ZNF500: variants seen among roughly 807,000 people sequenced by gnomAD.
ZNF500 encodes zinc finger protein 500, also known as zinc finger protein with KRAB and SCAN domains 18.
ZNF500 carries 31 observed loss-of-function variants against 30.1 expected under a neutral mutation model. The ratio of observed to expected loss-of-function variants is 1.03; its 90% CI spans 0.77 to 1.39. The LOEUF is 1.39. ZNF500 is among the 40% of genes most tolerant of loss of function. ZNF500 has a pLI of 0.00. For synonymous variants in ZNF500, 392 were observed against 282.0 expected (o/e 1.39, Z -3.91); for missense variants, 817 against 657.8 (o/e 1.24, Z -2.65).
At chr16:4,762,400 C>G (rs998564734) in intron 3 of ZNF500, 65 bp from the exon 4 acceptor site, 5 of 1,542,610 alleles carry the variant, frequency 3.2e-6, no homozygotes, top group African/African-American at 1.4e-5. Context: ...CCGTCCCCTG[C>G]ACACCAAGGC....
At chr16:4,764,781 CA>C (rs1467752688) in intron 2 of ZNF500, among the ~76,000 whole-genome samples, 2 of 85,398 alleles carry the variant, frequency 2.3e-5, no homozygotes, top group Admixed American at 1.3e-4. Context: ...GACTCCATCT[CA>C]AAAAAAAAGA....
chr16:4,745,460 G>GAGAA (rs1475163173), downstream of ZNF500, among the ~76,000 whole-genome samples: 1 of 152,206 alleles, frequency 6.6e-6, no homozygotes, highest in African/African-American at 2.4e-5. Flanking sequence ...CTGCCACAGG[G>GAGAA]AGAAAGGCAA....
chr16:4,753,266 G>A lies in ZNF500; in HGVS notation c.761-208C>T. 18 of 985,890 alleles carry A rather than the reference G, an allele frequency of 1.8e-5. No homozygotes were observed. In the South Asian group the frequency reaches 4.5e-4, roughly 24 times the overall value. 61.1% of individuals were successfully genotyped at this position (985,890 alleles called of 1,614,324 possible). A position where few individuals can be genotyped will look rare whatever the true frequency, so the allele number is the denominator to read the frequency against. ...GCTTGAGCCCAGGAGTTCAAGACCA[G>A]CTTGGGCAACGCAGTGAGATCTCGT... On this transcript the variant is annotated intron_variant, in intron 5 of 5. Transcript: ENST00000219478.
In ZNF500 at chr16:4,752,902, T is replaced by A. The variant is rs2082099793; in HGVS notation, c.917A>T (p.Gln306Leu). 1 of 1,613,880 alleles carries A rather than the reference T, an allele frequency of 6.2e-7. No homozygotes were observed. The highest frequency in any genetic ancestry group is 1.3e-5 in the African/African-American group (1 of 74,958). The change falls in exon 6 of 6, where the codon CAG becomes CTG. Residue 306 changes from glutamine (Q) to leucine (L), a missense_variant. Transcript: ENST00000219478. ...APVRGLVRPDQPRGGPPPGRR... is the reference protein window; with the variant it reads ...APVRGLVRPDLPRGGPPPGRR... ...TCCTGGTGGGGGGCCGCCTCTTGGC[T>A]GATCAGGCCTGACCAAGCCCCTGAC...
downstream of ZNF500, chr16:4,747,402 C>G: frequency 3.7e-6 from 6 of 1,612,482 alleles, no homozygotes; most frequent in Non-Finnish European, 4.2e-6. Context: ...AAGGGGACAG[C>G]CCAGCCCGAG....
chr16:4,762,687 C>G lies in ZNF500; in HGVS notation c.484G>C (p.Glu162Gln). ...IGGQFLKHQA[E>Q]AQPEDLSLEE... ...AGGGACAGATCCTCTGGCTGAGCCT[C>G]TGCCTGGTGTTTTAAGAACTGTCCC... The change falls in exon 3 of 6, where the codon GAG (glutamate) becomes CAG (glutamine). Residue 162 changes from glutamate to glutamine, a missense_variant. Physicochemically the swap from Glu to Gln is conservative, Grantham distance 29. Coordinates refer to ENST00000219478, the MANE Select transcript of ZNF500 (RefSeq NM_021646.4). The G allele has an allele frequency of 6.2e-7, 1 of 1,614,104 alleles. No homozygotes were observed. The highest frequency in any genetic ancestry group is 8.5e-7 in the Non-Finnish European group (1 of 1,179,968).
chr16:4,752,804 G>T lies in ZNF500; in HGVS notation c.1015C>A (p.His339Asn). 6.2e-7 allele frequency: 1 copy of T among 1,614,260 alleles called. No individual in the cohort carries two copies. Among genetic ancestry groups the T allele is most frequent in the East Asian group, 2.2e-5 (1 of 44,884 alleles). Residue 339 changes from histidine (H) to asparagine (N), a missense_variant, in exon 6 of 6, where the codon CAC becomes AAC. Transcript: ENST00000219478. ...ECGKGFSKTS[H>N]LTKHQRTHTG... ...TGTGTGCGCTGGTGCTTGGTCAAGT[G>T]GGACGTCTTGCTGAAGCCTTTGCCA...
intron 4 of ZNF500, among the ~76,000 whole-genome samples, chr16:4,761,514 CACACACACACACAT>C (rs879895746): frequency 0.011 from 1,596 of 140,148 alleles, 36 homozygotes; most frequent in African/African-American, 0.046. Flanking sequence ...CACACACACA[CACACACACACACAT>C]ATAAAAATTA....
Position 4,762,489 on chromosome 16 carries a change from T to C in ZNF500, c.598+84A>G. 4.6e-6 allele frequency: 7 copies of C among 1,526,596 alleles called. No homozygotes were observed. In the East Asian group the frequency reaches 6.8e-5, roughly 15 times the overall value. The allele number at this position is 1,526,596 out of a possible 1,614,324, so 94.6% of individuals were successfully genotyped here. ...TGCACCCTGCATCCAGGCAGGCCTCTGCCCTGGCCACAGTCCACACCCCAG... is the reference window on the plus strand; with the variant it reads ...TGCACCCTGCATCCAGGCAGGCCTCCGCCCTGGCCACAGTCCACACCCCAG... On this transcript the variant is annotated intron_variant, in intron 3 of 5. Coordinates refer to ENST00000219478, the MANE Select transcript of ZNF500 (RefSeq NM_021646.4).
At chr16:4,744,735 G>A, downstream of ZNF500, 1 of 1,129,504 alleles carries the variant, frequency 8.9e-7, no homozygotes, top group East Asian at 2.5e-5. Context: ...AGTAGGGAGA[G>A]GGCTGGGCGG....
At chr16:4,745,803 ATTTTCC>A (rs1166729113), downstream of ZNF500, among the ~76,000 whole-genome samples, 1 of 151,888 alleles carries the variant, frequency 6.6e-6, no homozygotes, top group East Asian at 1.9e-4. Flanking sequence ...ACACAAAAAA[ATTTTCC>A]AGGCATGTTG....
Position 4,752,685 on chromosome 16 carries a change from C to A in ZNF500, c.1134G>T (p.Glu378Asp), listed in dbSNP as rs373989393. 1.9e-6 allele frequency: 3 copies of A among 1,613,970 alleles called. No homozygotes were observed. The African/African-American group carries it at 4.0e-5, about 22-fold the overall frequency. The change falls in exon 6 of 6, where the codon GAG (glutamate) becomes GAT (aspartate). Residue 378 changes from glutamate to aspartate, a missense_variant. By Grantham distance (45) the Glu-to-Asp change is conservative. Coordinates refer to ENST00000219478, the MANE Select transcript of ZNF500 (RefSeq NM_021646.4). ...FSTHQRVHTG[E>D]KPYPCPECGK... ...CACACTCGGGGCACGGGTAGGGCTT[C>A]TCGCCTGTGTGCACCCTCTGGTGCG...
Position 4,762,703 on chromosome 16 carries a change from G to A in ZNF500, c.468C>T (p.Phe156=). 1 of 1,613,764 alleles carries A rather than the reference G, an allele frequency of 6.2e-7. No individual in the cohort carries two copies. Among genetic ancestry groups the A allele is most frequent in the Non-Finnish European group, 8.5e-7 (1 of 1,179,912 alleles). ...DEVPLGIGGQ[F]LKHQAEAQPE... ...GCTGAGCCTCTGCCTGGTGTTTTAAGAACTGTCCCCCTATCCCGAGGGGCA... is the reference window on the plus strand; with the variant it reads ...GCTGAGCCTCTGCCTGGTGTTTTAAAAACTGTCCCCCTATCCCGAGGGGCA... Residue 156 remains phenylalanine, a synonymous_variant, in exon 3 of 6, where the codon TTC becomes TTT. Coordinates refer to ENST00000219478, the MANE Select transcript of ZNF500 (RefSeq NM_021646.4).
At chr16:4,763,517 T>C (rs748190394) in intron 2 of ZNF500, 120 of 983,794 alleles carry the variant, frequency 1.2e-4, no homozygotes, top group Non-Finnish European at 3.5e-5. Flanking sequence ...AATTGAGCTC[T>C]GCAATAGCAC....
chr16:4,761,408 C>CCAGCCTGGGCAACT (rs1327365980), intron 4 of ZNF500, among the ~76,000 whole-genome samples: 1 of 151,368 alleles, frequency 6.6e-6, no homozygotes, highest in Non-Finnish European at 1.5e-5. Context: ...CCATTGCACT[C>CCAGCCTGGGCAACT]CAGCCTGGGC....
Position 4,763,062 on chromosome 16 carries a change from G to A in ZNF500, c.415-306C>T, listed in dbSNP as rs1306164571. The A allele has an allele frequency of 4.1e-6, 4 of 985,308 alleles. No homozygotes were observed. In the South Asian group the frequency reaches 1.4e-4, roughly 35 times the overall value. 61.0% of individuals were successfully genotyped at this position (985,308 alleles called of 1,614,324 possible). The stretch of plus-strand genomic sequence containing the variant: ...CCAGAAGAGCCCTGAGTCAGCGCTG[G>A]ACTAATTTCAGAAGTTCACAGAACT... On this transcript the variant is annotated intron_variant, in intron 2 of 5. Transcript: ENST00000219478.
At chr16:4,761,365 G>C (rs550157511) in intron 4 of ZNF500, among the ~76,000 whole-genome samples, 2 of 150,814 alleles carry the variant, frequency 1.3e-5, no homozygotes, top group African/African-American at 2.4e-5. Context: ...GCTTGAACCC[G>C]GGAGCCGGAG....
downstream of ZNF500, chr16:4,747,201 G>A: frequency 1.1e-5 from 14 of 1,247,814 alleles, no homozygotes; most frequent in Non-Finnish European, 1.5e-5. Flanking sequence ...TCCCAGCAGT[G>A]GCAGCAGTGA....
In ZNF500 at chr16:4,748,932, G is replaced by C. The variant is rs1037463060; in HGVS notation, c.*3444C>G. The C allele has an allele frequency of 6.6e-6, 1 of 152,410 alleles. No homozygotes were observed. The highest frequency in any genetic ancestry group is 1.5e-5 in the Non-Finnish European group (1 of 68,074). The allele number at this position is 152,410 out of a possible 1,614,324, so 9.4% of individuals were successfully genotyped here. A position where few individuals can be genotyped will look rare whatever the true frequency, so the allele number is the denominator to read the frequency against. ...AAGCCTTGTACCAGGCAAAAGACAGGCCCTGCTTGGCCGTGGTCACTGGCC... is the reference window on the plus strand; with the variant it reads ...AAGCCTTGTACCAGGCAAAAGACAGCCCCTGCTTGGCCGTGGTCACTGGCC... On this transcript the variant is annotated 3_prime_UTR_variant, in exon 6 of 6. Transcript: ENST00000219478.
Sources: allele counts gnomAD v4.1 joint callset (sites outside exome capture counted in the v4.1 genomes callset), GRCh38; gene constraint gnomAD v4.1.1; transcripts MANE v1.5; gene names NCBI Gene and HGNC (gene_info 2026-07-23, HGNC 2026-07-21).